The following PLCE1 variants were observed in gnomAD, a reference collection of about 807,000 sequenced individuals.
PLCE1 encodes the protein 1-phosphatidylinositol 4,5-bisphosphate phosphodiesterase epsilon-1.
A neutral mutation model predicts 242.8 loss-of-function variants in PLCE1; 119 were observed. The ratio of observed to expected loss-of-function variants is 0.49; its 90% CI spans 0.42 to 0.57. PLCE1 has a LOEUF of 0.57. Ranked by LOEUF, PLCE1 falls within the 20% of genes least tolerant of loss-of-function variation. PLCE1 has a pLI of 0.00. For synonymous variants in PLCE1, 945 were observed against 1,017.4 expected (o/e 0.93, Z 1.35); for missense variants, 2,441 against 2,788.8 (o/e 0.88, Z 2.81).
chr10:94,248,223 A>G (rs549430638), intron 8 of PLCE1, among the ~76,000 whole-genome samples: 12 of 152,330 alleles, frequency 7.9e-5, no homozygotes, highest in African/African-American at 2.4e-4. Flanking sequence ...TGATTAATTG[A>G]TTAATAAGCA....
At chr10:94,315,163 A>G (rs542795301) in intron 28 of PLCE1, 37 of 298,246 alleles carry the variant, frequency 1.2e-4, no homozygotes, top group Non-Finnish European at 7.9e-5. Flanking sequence ...CCCCCTTTTG[A>G]GTCAACAGCA....
intron 2 of PLCE1, among the ~76,000 whole-genome samples, chr10:94,048,175 G>A (rs1783260988): frequency 6.6e-6 from 1 of 152,140 alleles, no homozygotes; most frequent in South Asian, 2.1e-4. Flanking sequence ...GCATTCTCCA[G>A]TTGATGGACA....
At chr10:94,286,378 C>A (rs2052448057) in intron 22 of PLCE1, among the ~76,000 whole-genome samples, 1 of 152,104 alleles carries the variant, frequency 6.6e-6, no homozygotes, top group African/African-American at 2.4e-5. Flanking sequence ...TGCCTGTAAT[C>A]CCAGCTACCA....
rs568454692 is a variant in PLCE1, at chr10:94,300,102, C to T, written c.5458+1433C>T. ...CACCTGGTGCCATTGGTTATTATCC[C>T]GGCATATTTTAAGTAAACTGAAGTC... On this transcript the variant is annotated intron_variant, in intron 24 of 32. Coordinates refer to ENST00000371380, the MANE Select transcript of PLCE1 (RefSeq NM_016341.4). Among the ~76,000 whole-genome samples the T allele has an allele frequency of 2.0e-3, 300 of 152,256 alleles. 1 individual carries two copies. Among genetic ancestry groups the T allele is most frequent in the Non-Finnish European group, 3.4e-3 (232 of 68,018 alleles).
At chr10:94,245,093 C>G (rs2050632984) in intron 7 of PLCE1, among the ~76,000 whole-genome samples, 3 of 152,148 alleles carry the variant, frequency 2.0e-5, no homozygotes. Flanking sequence ...CCAGTATATT[C>G]AGATCATGAC....
intron 1 of PLCE1, among the ~76,000 whole-genome samples, chr10:94,022,148 A>T (rs2061385910): frequency 6.6e-6 from 1 of 151,988 alleles, no homozygotes; most frequent in South Asian, 2.1e-4. Flanking sequence ...GAAAATTCTA[A>T]GTCACCTAAA....
intron 16 of PLCE1, among the ~76,000 whole-genome samples, chr10:94,266,427 C>CA (rs11289753): frequency 1.3e-4 from 19 of 150,882 alleles, no homozygotes; most frequent in Admixed American, 9.9e-4. Context: ...CTATGGTAAC[C>CA]AAAAAAAATG....
At position 94,227,359 on chromosome 10, in the gene PLCE1, G is replaced by A. The variant is rs1306659158; in HGVS notation, c.1863G>A (p.Lys621=). Residue 621 remains lysine (K), a synonymous_variant, in exon 5 of 33, where the codon AAG becomes AAA. Coordinates refer to ENST00000371380, the MANE Select transcript of PLCE1 (RefSeq NM_016341.4). ...LILTAGSMEE[K]REVFSYLVHV... ...TCACGGCAGGCTCCATGGAGGAGAA[G>A]CGAGAAGTCTTTTCATATTTGGTGC... The A allele has an allele frequency of 6.2e-7, 1 of 1,614,006 alleles. No individual in the cohort carries two copies. The highest frequency in any genetic ancestry group is 8.5e-7 in the Non-Finnish European group (1 of 1,179,958).
intron 11 of PLCE1, among the ~76,000 whole-genome samples, chr10:94,255,705 A>G (rs1034946422): frequency 6.6e-6 from 1 of 152,174 alleles, no homozygotes; most frequent in Non-Finnish European, 1.5e-5. Flanking sequence ...GTTCCATGCA[A>G]ATTACATATT....
At chr10:93,994,756 G>A (rs2060787956) in intron 1 of PLCE1, among the ~76,000 whole-genome samples, 1 of 152,226 alleles carries the variant, frequency 6.6e-6, no homozygotes, top group African/African-American at 2.4e-5. Flanking sequence ...GAAGTCTTCT[G>A]TCGTGGCGAA....
chr10:94,088,179 T>C (rs1284597638), intron 2 of PLCE1: 3 of 152,232 alleles, frequency 2.0e-5, no homozygotes, highest in African/African-American at 4.8e-5. Flanking sequence ...ACCTGTAGCA[T>C]AGGAACAATA....
intron 3 of PLCE1, among the ~76,000 whole-genome samples, chr10:94,159,780 C>G (rs568437763): frequency 6.6e-6 from 1 of 152,218 alleles, no homozygotes; most frequent in African/African-American, 2.4e-5. Context: ...TCCCCCTCCC[C>G]ACAACAGGCC....
intron 2 of PLCE1, among the ~76,000 whole-genome samples, chr10:94,072,852 G>C (rs1445942390): frequency 1.3e-5 from 2 of 152,182 alleles, no homozygotes; most frequent in Admixed American, 1.3e-4. Flanking sequence ...GCTCTCACCA[G>C]AAGTGTCTAC....
intron 2 of PLCE1, among the ~76,000 whole-genome samples, chr10:94,101,606 C>T (rs2045539246): frequency 6.6e-6 from 1 of 152,176 alleles, no homozygotes; most frequent in South Asian, 2.1e-4. Flanking sequence ...ACACAGGTGA[C>T]CTCCTGTCCA....
intron 3 of PLCE1, among the ~76,000 whole-genome samples, chr10:94,143,869 A>G (rs146384717): frequency 6.6e-6 from 1 of 152,384 alleles, no homozygotes; most frequent in African/African-American, 2.4e-5. Context: ...TTAATGTCAC[A>G]AGTGATTCCT....
intron 1 of PLCE1, among the ~76,000 whole-genome samples, chr10:94,029,337 A>G (rs1395595360): frequency 1.3e-5 from 2 of 152,140 alleles, no homozygotes; most frequent in African/African-American, 4.8e-5. Flanking sequence ...AATTATCTAT[A>G]TAATCTTGAC....
At chr10:94,254,123 A>G in intron 9 of PLCE1, 67 bp from the exon 10 acceptor site, 1 of 1,163,294 alleles carries the variant, frequency 8.6e-7, no homozygotes, top group Non-Finnish European at 1.3e-6. Context: ...ATAGAGACCT[A>G]CCTGAACTAA....
At chr10:94,058,284 C>A (rs913686770) in intron 2 of PLCE1, among the ~76,000 whole-genome samples, 2 of 152,152 alleles carry the variant, frequency 1.3e-5, no homozygotes, top group African/African-American at 4.8e-5. Context: ...AGTGTGCAGT[C>A]TTTCTCTCAT....
At chr10:94,099,695 A>G (rs2045449917) in intron 2 of PLCE1, 2 of 152,204 alleles carry the variant, frequency 1.3e-5, no homozygotes, top group South Asian at 2.1e-4. Context: ...AAGTCTGTAA[A>G]ACATGAAATT....
Sources: allele counts gnomAD v4.1 joint callset (sites outside exome capture counted in the v4.1 genomes callset), GRCh38; gene constraint gnomAD v4.1.1; transcripts MANE v1.5; gene names NCBI Gene and HGNC (gene_info 2026-07-23, HGNC 2026-07-21).